SLC24A3: variants seen among roughly 807,000 people sequenced by gnomAD.
SLC24A3 encodes the protein solute carrier family 24 member 3.
Under a neutral mutation model 75.8 loss-of-function variants are expected in SLC24A3, and 28 were observed. The ratio of observed to expected loss-of-function variants is 0.37; its 90% CI spans 0.27 to 0.51. SLC24A3 has a LOEUF of 0.51. Ranked by LOEUF, SLC24A3 falls within the 20% of genes least tolerant of loss-of-function variation. SLC24A3 has a pLI of 0.94. For synonymous variants in SLC24A3, 372 were observed against 334.1 expected (o/e 1.11, Z -1.24); for missense variants, 663 against 847.8 (o/e 0.78, Z 2.71).
chr20:19,421,627 A>T (rs957851860), intron 2 of SLC24A3, among the ~76,000 whole-genome samples: 2 of 152,196 alleles, frequency 1.3e-5, no homozygotes, highest in African/African-American at 4.8e-5. Context: ...AAAGATGTGG[A>T]TCCTTATCAC....
chr20:19,221,834 G>C (rs1235125243), intron 1 of SLC24A3, among the ~76,000 whole-genome samples: 1 of 152,032 alleles, frequency 6.6e-6, no homozygotes, highest in Admixed American at 6.6e-5. Context: ...TGACTGGCGT[G>C]GGTCTGTTTT....
chr20:19,290,499 C>G (rs6136672), intron 2 of SLC24A3, among the ~76,000 whole-genome samples: 5,858 of 152,264 alleles, frequency 0.038, 491 homozygotes, highest in East Asian at 0.27. Flanking sequence ...AGCCCTCACC[C>G]CTTCCACCTT....
intron 2 of SLC24A3, among the ~76,000 whole-genome samples, chr20:19,434,331 A>G (rs1987157710): frequency 6.6e-6 from 1 of 152,210 alleles, no homozygotes; most frequent in African/African-American, 2.4e-5. Context: ...AGCTCTCTAG[A>G]GAGAAGCAGG....
chr20:19,264,728 CAAAAA>C (rs371253803), intron 1 of SLC24A3, among the ~76,000 whole-genome samples: 1 of 98,034 alleles, frequency 1.0e-5, no homozygotes, highest in Admixed American at 1.2e-4. Context: ...GACTCCATCT[CAAAAA>C]AAAAAAAAAA....
At chr20:19,316,689 C>T (rs1984596229) in intron 2 of SLC24A3, among the ~76,000 whole-genome samples, 1 of 152,204 alleles carries the variant, frequency 6.6e-6, no homozygotes, top group African/African-American at 2.4e-5. Flanking sequence ...GAGAGGTCAC[C>T]TGACCTGAAA....
chr20:19,536,462 A>G (rs946493380), intron 3 of SLC24A3, among the ~76,000 whole-genome samples: 10 of 152,156 alleles, frequency 6.6e-5, no homozygotes, highest in Non-Finnish European at 1.5e-4. Flanking sequence ...AAGGTAATTT[A>G]TAGATTCAAT....
chr20:19,495,110 C>T (rs1480559370), intron 2 of SLC24A3, among the ~76,000 whole-genome samples: 2 of 152,184 alleles, frequency 1.3e-5, no homozygotes, highest in Admixed American at 6.5e-5. Context: ...TCTACCACCC[C>T]TCTTGGAGTG....
intron 2 of SLC24A3, among the ~76,000 whole-genome samples, chr20:19,368,310 T>C (rs1411263040): frequency 1.3e-5 from 2 of 152,168 alleles, no homozygotes; most frequent in African/African-American, 2.4e-5. Context: ...AGAGAGAACA[T>C]GGGGCAGACA....
At chr20:19,625,063 C>T (rs79745854) in intron 6 of SLC24A3, among the ~76,000 whole-genome samples, 7,349 of 152,210 alleles carry the variant, frequency 0.048, 606 homozygotes, top group African/African-American at 0.17. Flanking sequence ...CTTGTTCACA[C>T]AGTGTAGTGG....
chr20:19,625,901 G>A (rs923832958), intron 6 of SLC24A3, among the ~76,000 whole-genome samples: 3 of 151,922 alleles, frequency 2.0e-5, no homozygotes, highest in Non-Finnish European at 4.4e-5. Context: ...CTTACTTCAG[G>A]CATTGTAAAT....
intron 2 of SLC24A3, among the ~76,000 whole-genome samples, chr20:19,431,070 A>G (rs1441456041): frequency 1.3e-5 from 2 of 152,056 alleles, no homozygotes; most frequent in Non-Finnish European, 2.9e-5. Flanking sequence ...GCAGTAGAGC[A>G]GCTTTTATGC....
chr20:19,239,291 A>G (rs1982265827), intron 1 of SLC24A3, among the ~76,000 whole-genome samples: 1 of 152,166 alleles, frequency 6.6e-6, no homozygotes, highest in Non-Finnish European at 1.5e-5. Flanking sequence ...GTACCCTCAG[A>G]TAAAAGCAAC....
chr20:19,386,385 T>C (rs1986273518), intron 2 of SLC24A3, among the ~76,000 whole-genome samples: 1 of 152,234 alleles, frequency 6.6e-6, no homozygotes, highest in South Asian at 2.1e-4. Flanking sequence ...TTTAACTTCT[T>C]CTTTTTCAAT....
chr20:19,671,664 T>C (rs1686032832), intron 8 of SLC24A3, among the ~76,000 whole-genome samples: 1 of 151,824 alleles, frequency 6.6e-6, no homozygotes, highest in African/African-American at 2.4e-5. Flanking sequence ...TGTTTTTTTG[T>C]TTTTTTGTTT....
chr20:19,461,832 C>T (rs115046261), intron 2 of SLC24A3, among the ~76,000 whole-genome samples: 3,034 of 152,154 alleles, frequency 0.02, 90 homozygotes, highest in African/African-American at 0.07. Flanking sequence ...CGTGCCTGGC[C>T]CCCAAGTACT....
At chr20:19,369,290 A>G (rs1985950439) in intron 2 of SLC24A3, among the ~76,000 whole-genome samples, 1 of 152,210 alleles carries the variant, frequency 6.6e-6, no homozygotes, top group African/African-American at 2.4e-5. Context: ...GTGTCCTGTC[A>G]AAAATGCAGA....
intron 2 of SLC24A3, among the ~76,000 whole-genome samples, chr20:19,487,437 A>G (rs1376525114): frequency 6.6e-6 from 1 of 152,170 alleles, no homozygotes. Context: ...CCTGTACCAG[A>G]TCAGTGCTTC....
At chr20:19,597,628 T>C (rs1295639601) in intron 6 of SLC24A3, among the ~76,000 whole-genome samples, 1 of 152,198 alleles carries the variant, frequency 6.6e-6, no homozygotes, top group East Asian at 1.9e-4. Context: ...TTGTTGTTCA[T>C]TGTGGTCACC....
chr20:19,715,520 T>G (rs930683292), intron 15 of SLC24A3, among the ~76,000 whole-genome samples: 6 of 152,326 alleles, frequency 3.9e-5, no homozygotes, highest in Non-Finnish European at 8.8e-5. Flanking sequence ...AATGGTTGAC[T>G]CACAGGGATT....
Sources: allele counts gnomAD v4.1 joint callset (sites outside exome capture counted in the v4.1 genomes callset), GRCh38; gene constraint gnomAD v4.1.1; transcripts MANE v1.5; gene names NCBI Gene and HGNC (gene_info 2026-07-23, HGNC 2026-07-21).